ABR: variants seen among roughly 807,000 people sequenced by gnomAD.
ABR encodes active breakpoint cluster region-related protein.
In ABR, 35 loss-of-function variants were observed where a neutral mutation model predicts 107.2. That is an observed-to-expected ratio of 0.33 (90% CI 0.25 to 0.43). The LOEUF is 0.43. Among genes scored for constraint, ABR ranks in the 20% least tolerant of loss-of-function variants. The pLI is 1.00. For synonymous variants in ABR, 498 were observed against 462.0 expected, an observed-to-expected ratio of 1.08 and a Z score of -1.00; for missense variants, 815 against 1,115.2, an observed-to-expected ratio of 0.73 and a Z score of 3.83.
Position 1,195,107 on chromosome 17 carries a change from A to G in ABR, c.838+33686T>C, listed in dbSNP as rs1195200480. Among the ~76,000 whole-genome samples the G allele has an allele frequency of 1.4e-5, 2 of 143,162 alleles. 1 individual carries two copies. The highest frequency in any genetic ancestry group is 4.8e-4 in the East Asian group (2 of 4,124). The allele number at this position is 143,162 out of a possible 152,430, so 93.9% of individuals were successfully genotyped here. ...CGGATCACGAGGTCAGGAGATCGAG[A>G]CCATCCTGGCTAACACGGTGAAACC... On this transcript the variant is annotated intron_variant, in intron 1 of 22. Coordinates refer to the ABR transcript ENST00000574139.
chr17:1,191,312 C>T (rs906730147), upstream of ABR, among the ~76,000 whole-genome samples: 4 of 152,004 alleles, frequency 2.6e-5, no homozygotes, highest in Non-Finnish European at 5.9e-5. Context: ...TTCTCACCCC[C>T]GCCTAGTAAC....
intron 1 of ABR, among the ~76,000 whole-genome samples, chr17:1,152,913 G>A (rs1200577852): frequency 6.6e-6 from 1 of 152,064 alleles, no homozygotes; most frequent in East Asian, 1.9e-4. Context: ...GGCCAACACA[G>A]TGAAACCTGT....
chr17:1,082,002 G>A (rs185442866), intron 5 of ABR, among the ~76,000 whole-genome samples: 1 of 151,976 alleles, frequency 6.6e-6, no homozygotes. Flanking sequence ...ATCTCCAACT[G>A]TCAGCTTCTC....
chr17:1,112,073 C>T (rs1227310163), intron 2 of ABR, among the ~76,000 whole-genome samples: 2 of 152,244 alleles, frequency 1.3e-5, no homozygotes, highest in East Asian at 3.8e-4. Flanking sequence ...AAAGCCACCA[C>T]CCCACCAAGC....
At position 1,004,972 on chromosome 17, in the gene ABR, GCCT is replaced by G. The variant is rs773798891; in HGVS notation, c.*1105_*1107del. ...GGGAGCTCCTGGCTGCAGCCTACCT[GCCT>G]GGACACCTGCTTCGGCCACATCAGT... On this transcript the variant is annotated 3_prime_UTR_variant, in exon 23 of 23. Coordinates refer to ENST00000302538, the MANE Select transcript of ABR (RefSeq NM_021962.5). The G allele has an allele frequency of 3.3e-5, 13 of 398,988 alleles. No individual in the cohort carries two copies. The highest frequency in any genetic ancestry group is 4.9e-5 in the Non-Finnish European group (11 of 226,260). 24.7% of individuals were successfully genotyped at this position (398,988 alleles called of 1,614,324 possible).
chr17:1,145,482 C>T (rs1456070950), intron 1 of ABR, among the ~76,000 whole-genome samples: 1 of 152,248 alleles, frequency 6.6e-6, no homozygotes, highest in African/African-American at 2.4e-5. Flanking sequence ...AGCCCCAGAG[C>T]TGCAGAAGGC....
intron 1 of ABR, among the ~76,000 whole-genome samples, chr17:1,218,796 G>A (rs77748628): frequency 6.6e-6 from 1 of 152,072 alleles, no homozygotes; most frequent in African/African-American, 2.4e-5. Context: ...TCACCAAGAT[G>A]GGCCCCCAAG....
chr17:1,171,855 G>A (rs1199428089), intron 1 of ABR, among the ~76,000 whole-genome samples: 2 of 152,130 alleles, frequency 1.3e-5, no homozygotes, highest in Non-Finnish European at 2.9e-5. Flanking sequence ...GCTTGAACCC[G>A]GGAGGCGGAG....
chr17:1,099,786 C>T (rs1411403599), intron 3 of ABR, among the ~76,000 whole-genome samples: 3 of 152,140 alleles, frequency 2.0e-5, no homozygotes, highest in Non-Finnish European at 4.4e-5. Flanking sequence ...GGCATGTTAC[C>T]GAGGGCTGAG....
At chr17:1,197,923 T>C (rs2042599883) in intron 1 of ABR, among the ~76,000 whole-genome samples, 1 of 151,730 alleles carries the variant, frequency 6.6e-6, no homozygotes, top group Non-Finnish European at 1.5e-5. Flanking sequence ...TACACCCTGC[T>C]GACTGTCAGA....
intron 16 of ABR, among the ~76,000 whole-genome samples, chr17:1,014,549 A>C (rs964050202): frequency 6.6e-6 from 1 of 151,928 alleles, no homozygotes; most frequent in Non-Finnish European, 1.5e-5. Context: ...TTCAATATTA[A>C]GAAAACAGGC....
intron 1 of ABR, among the ~76,000 whole-genome samples, chr17:1,209,871 A>C (rs2042869094): frequency 6.6e-6 from 1 of 152,168 alleles, no homozygotes; most frequent in East Asian, 1.9e-4. Context: ...GCACTGGAAA[A>C]AGTTGCATTT....
At chr17:1,219,634 C>T (rs1490932166) in intron 1 of ABR, among the ~76,000 whole-genome samples, 1 of 129,530 alleles carries the variant, frequency 7.7e-6, no homozygotes, top group Admixed American at 8.0e-5. Flanking sequence ...GCCTGTAATC[C>T]CAGCTACTCA....
At chr17:1,082,423 C>G (rs1164624539) in intron 5 of ABR, among the ~76,000 whole-genome samples, 2 of 151,858 alleles carry the variant, frequency 1.3e-5, no homozygotes, top group Non-Finnish European at 2.9e-5. Context: ...CAGAAGCACG[C>G]GTGTTCCCAG....
chr17:1,013,204 G>C lies in ABR; in HGVS notation c.1792-40C>G, dbSNP rs373944590. On this transcript the variant is annotated intron_variant, in intron 16 of 22. Coordinates refer to ENST00000302538, the MANE Select transcript of ABR (RefSeq NM_021962.5). ...TGTGGGTGAGAGAGGTGCCAGCTCG[G>C]AGGCCAAGCCAGAGATCTCCCCGTG... is the stretch of plus-strand genomic sequence containing the variant. The C allele has an allele frequency of 2.5e-6, 4 of 1,598,690 alleles. No individual in the cohort carries two copies. The African/African-American group carries it at 5.4e-5, about 21-fold the overall frequency.
In ABR at chr17:1,162,610, C is replaced by T. The variant is rs796620983; in HGVS notation, c.61+17057G>A. 2.1e-4 allele frequency among the ~76,000 whole-genome samples: 32 copies of T among 152,388 alleles called. 2 individuals are homozygous for T. The highest frequency in any genetic ancestry group is 7.7e-4 in the African/African-American group (32 of 41,592). ...TTTCCGTCATAGCTCTCCCCGCACT[C>T]CTCAGCCTGAGTGTGGCATCTGCTT... is the stretch of plus-strand genomic sequence containing the variant. On this transcript the variant is annotated intron_variant, in intron 1 of 22. Transcript: ENST00000302538.
upstream of ABR, among the ~76,000 whole-genome samples, chr17:1,187,920 ATAT>A (rs1045112962): frequency 5.4e-4 from 82 of 150,670 alleles, no homozygotes; most frequent in African/African-American, 1.9e-3. Context: ...AATAAATAAA[ATAT>A]TATCAAATTG....
Position 1,051,059 on chromosome 17 carries a change from A to C in ABR, c.1562-425T>G, listed in dbSNP as rs2032449070. Among the ~76,000 whole-genome samples the C allele has an allele frequency of 6.6e-6, 1 of 152,108 alleles. No individual in the cohort carries two copies. The highest frequency in any genetic ancestry group is 2.4e-5 in the African/African-American group (1 of 41,422). Reference sequence around the variant, plus strand: ...CCGCCCTGGAGCCACCTCTCCCCGTAACATGGGTGCCCAGGCCTCAACAGC... The same window carrying C: ...CCGCCCTGGAGCCACCTCTCCCCGTCACATGGGTGCCCAGGCCTCAACAGC... On this transcript the variant is annotated intron_variant, in intron 14 of 22. Coordinates refer to ENST00000302538, the MANE Select transcript of ABR (RefSeq NM_021962.5). This position sits in a 1 kb window ranked among gnomAD's most constrained non-coding sequence, Gnocchi z 4.3.
rs761975710 is a variant in ABR at position 1,058,820 on chromosome 17, C to T, written c.1230G>A (p.Lys410=). 2 of 1,614,110 alleles carry T rather than the reference C, an allele frequency of 1.2e-6. No homozygotes were observed. The highest frequency in any genetic ancestry group is 1.1e-5 in the South Asian group (1 of 91,082). ...QSRAIERLKK[K]MFENEFLLLL... ...GCAGCAGGAACTCATTCTCAAACAT[C>T]TTCTTCTTCAGGCGCTCGATGGCCC... Residue 410 remains lysine, a synonymous_variant, in exon 11 of 23, where the codon AAG becomes AAA. Transcript: ENST00000302538.
Sources: gnomAD v4.1 joint callset for allele counts (sites outside exome capture counted in the v4.1 genomes callset) on GRCh38, gnomAD v4.1.1 for gene constraint, Gnocchi (gnomAD v3.1) non-coding constraint, MANE v1.5 for transcripts, NCBI Gene and HGNC (gene_info 2026-07-23, HGNC 2026-07-21) for gene names.